PIP4K2A: variants seen among roughly 807,000 people sequenced by gnomAD.
PIP4K2A encodes the protein phosphatidylinositol-5-phosphate 4-kinase type 2 alpha, also known as phosphatidylinositol 5-phosphate 4-kinase type-2 alpha.
A neutral mutation model predicts 42.9 loss-of-function variants in PIP4K2A; 14 were observed. The observed-to-expected ratio is 0.33, with a 90% CI of 0.22 to 0.51. The LOEUF (loss-of-function observed/expected upper bound fraction) is 0.51. PIP4K2A is among the 20% of genes least tolerant of loss of function. PIP4K2A has a pLI of 0.97. For synonymous variants in PIP4K2A, 192 were observed against 192.2 expected, an observed-to-expected ratio of 1.00 and a Z score of 0.01; for missense variants, 434 against 519.8, an observed-to-expected ratio of 0.83 and a Z score of 1.61.
intron 1 of PIP4K2A, among the ~76,000 whole-genome samples, chr10:22,695,626 CTTGGTATCT>C (rs1366184523): frequency 9.9e-5 from 15 of 152,204 alleles, no homozygotes; most frequent in Admixed American, 9.8e-4. Context: ...ACAGTCTTCC[CTTGGTATCT>C]TTGGGGGATT....
chr10:22,633,317 G>A lies in PIP4K2A; in HGVS notation c.145-23600C>T, dbSNP rs577083909. ...ACCTGCTCAACTACTTAAAGTAGCC[G>A]GAGGGAAAGCTGCTTACGAGGTAGA... On this transcript the variant is annotated intron_variant, in intron 1 of 9. Coordinates refer to ENST00000376573, the MANE Select transcript of PIP4K2A (RefSeq NM_005028.5). Among the ~76,000 whole-genome samples, 51 of 152,274 alleles carry A rather than the reference G, an allele frequency of 3.3e-4. No homozygotes were observed. In the South Asian group the frequency reaches 7.7e-3, roughly 23 times the overall value.
At chr10:22,544,672 T>G (rs1836216643) in intron 7 of PIP4K2A, among the ~76,000 whole-genome samples, 1 of 152,084 alleles carries the variant, frequency 6.6e-6, no homozygotes, top group Non-Finnish European at 1.5e-5. Flanking sequence ...AGGGCAGAAG[T>G]TTTCAAAATG....
chr10:22,542,102 A>C, intron 7 of PIP4K2A, 55 bp from the exon 8 acceptor site: 1 of 1,496,572 alleles, frequency 6.7e-7, no homozygotes, highest in Non-Finnish European at 9.1e-7. Flanking sequence ...AAAAGCCAAC[A>C]TTTAAAGGAG....
At chr10:22,656,847 C>T (rs533359005) in intron 1 of PIP4K2A, among the ~76,000 whole-genome samples, 14 of 150,594 alleles carry the variant, frequency 9.3e-5, no homozygotes, top group Admixed American at 5.3e-4. Context: ...CCATGGTAAA[C>T]TATATGAGAC....
chr10:22,570,882 C>A (rs141382055), intron 5 of PIP4K2A, among the ~76,000 whole-genome samples: 2,770 of 151,890 alleles, frequency 0.018, 42 homozygotes, highest in Non-Finnish European at 0.028. Flanking sequence ...ATCTAAGAAA[C>A]CCAGCGTCAT....
At chr10:22,656,719 C>T (rs1473759514) in intron 1 of PIP4K2A, among the ~76,000 whole-genome samples, 1 of 151,542 alleles carries the variant, frequency 6.6e-6, no homozygotes, top group Non-Finnish European at 1.5e-5. Flanking sequence ...ATAGCTTGAA[C>T]CTGGGAGGCG....
intron 3 of PIP4K2A, among the ~76,000 whole-genome samples, chr10:22,605,454 A>G (rs934324958): frequency 1.3e-5 from 2 of 152,352 alleles, no homozygotes; most frequent in African/African-American, 4.8e-5. Flanking sequence ...GTAGGGCGAA[A>G]AAAAGGGAAG....
intron 4 of PIP4K2A, among the ~76,000 whole-genome samples, chr10:22,587,496 T>A (rs534894465): frequency 6.6e-6 from 1 of 152,170 alleles, no homozygotes; most frequent in African/African-American, 2.4e-5. Flanking sequence ...ACCCTAAAAG[T>A]ACTCTAGGCC....
At chr10:22,673,051 G>A (rs1379421665) in intron 1 of PIP4K2A, among the ~76,000 whole-genome samples, 2 of 152,134 alleles carry the variant, frequency 1.3e-5, no homozygotes, top group Non-Finnish European at 2.9e-5. Flanking sequence ...ACAGGTGAGT[G>A]CTCTGAACAC....
intron 1 of PIP4K2A, among the ~76,000 whole-genome samples, chr10:22,628,457 T>C (rs1351121499): frequency 6.6e-6 from 1 of 152,216 alleles, no homozygotes; most frequent in East Asian, 1.9e-4. Context: ...AACAGTAACG[T>C]CAACGAAGAG....
At chr10:22,540,351 G>A (rs1323192610) in intron 8 of PIP4K2A, among the ~76,000 whole-genome samples, 6 of 151,350 alleles carry the variant, frequency 4.0e-5, no homozygotes, top group Non-Finnish European at 7.4e-5. Flanking sequence ...GAGATCCAAC[G>A]GTGGAACGGA....
At chr10:22,613,502 T>C (rs1171681702) in intron 1 of PIP4K2A, among the ~76,000 whole-genome samples, 1 of 151,932 alleles carries the variant, frequency 6.6e-6, no homozygotes, top group East Asian at 1.9e-4. Flanking sequence ...GCAGAACTGA[T>C]GGAGGGAAGA....
At chr10:22,559,998 T>C (rs1272127617) in intron 6 of PIP4K2A, among the ~76,000 whole-genome samples, 1 of 152,168 alleles carries the variant, frequency 6.6e-6, no homozygotes, top group East Asian at 1.9e-4. Context: ...ATGTCTCTGG[T>C]CCAGAAGGTA....
chr10:22,618,297 A>G (rs1488369385), intron 1 of PIP4K2A, among the ~76,000 whole-genome samples: 7 of 152,238 alleles, frequency 4.6e-5, no homozygotes, highest in Admixed American at 4.6e-4. Context: ...TCTGTGGCTG[A>G]TAAAGCACAC....
chr10:22,544,550 C>G (rs1030514544), intron 7 of PIP4K2A, among the ~76,000 whole-genome samples: 4 of 152,178 alleles, frequency 2.6e-5, no homozygotes, highest in African/African-American at 9.7e-5. Flanking sequence ...TGAGAGGTGA[C>G]AGGGAAAAGG....
chr10:22,590,080 C>A (rs549119671), intron 4 of PIP4K2A, among the ~76,000 whole-genome samples: 19 of 152,254 alleles, frequency 1.2e-4, no homozygotes, highest in Admixed American at 5.2e-4. Context: ...CCTATCCCAC[C>A]CACCATGACC....
At chr10:22,667,436 T>C (rs1300418724) in intron 1 of PIP4K2A, among the ~76,000 whole-genome samples, 2 of 152,228 alleles carry the variant, frequency 1.3e-5, no homozygotes, top group Non-Finnish European at 2.9e-5. Context: ...CTAAGTCCTT[T>C]GGCTTTGAAT....
At chr10:22,674,547 T>C (rs1839518294) in intron 1 of PIP4K2A, among the ~76,000 whole-genome samples, 1 of 152,012 alleles carries the variant, frequency 6.6e-6, no homozygotes, top group Non-Finnish European at 1.5e-5. Flanking sequence ...CTATGTTAGG[T>C]GTAGTTCTTT....
intron 1 of PIP4K2A, among the ~76,000 whole-genome samples, chr10:22,629,842 T>C (rs1470871057): frequency 6.6e-6 from 1 of 152,208 alleles, no homozygotes; most frequent in East Asian, 1.9e-4. Context: ...ATAAAAGTGT[T>C]CAATTCTAAA....
Sources: gnomAD v4.1 joint callset for allele counts (sites outside exome capture counted in the v4.1 genomes callset) on GRCh38, gnomAD v4.1.1 for gene constraint, MANE v1.5 for transcripts, NCBI Gene and HGNC (gene_info 2026-07-23, HGNC 2026-07-21) for gene names.